Variants in CDH13 observed in about 807,000 individuals in gnomAD.
CDH13 encodes the protein cadherin-13.
A neutral mutation model predicts 63.8 loss-of-function variants in CDH13; 24 were observed. That is an observed-to-expected ratio of 0.38 (90% CI 0.27 to 0.53). The LOEUF (loss-of-function observed/expected upper bound fraction) is 0.53, where lower values mean the gene tolerates loss of function less well. Among genes scored for constraint, CDH13 ranks in the 20% least tolerant of loss-of-function variants. The pLI, the probability that CDH13 is intolerant of heterozygous loss-of-function variation, is 0.85. For missense variants in CDH13, 1,049 were observed against 903.1 expected (o/e 1.16, Z -2.07); for synonymous variants, 503 against 355.3 (o/e 1.42, Z -4.67).
intron 8 of CDH13, among the ~76,000 whole-genome samples, chr16:83,659,973 G>A (rs1598428582): frequency 6.6e-6 from 1 of 151,890 alleles, no homozygotes; most frequent in Admixed American, 6.6e-5. Flanking sequence ...TTTTTGTAGA[G>A]ACGGGATTTC....
intron 10 of CDH13, among the ~76,000 whole-genome samples, chr16:83,724,849 G>C (rs1910190408): frequency 6.6e-6 from 1 of 152,170 alleles, no homozygotes; most frequent in Non-Finnish European, 1.5e-5. Context: ...GCTCCCTTGA[G>C]ATGGCCTTTG....
intron 2 of CDH13, among the ~76,000 whole-genome samples, chr16:82,957,232 T>C (rs918891346): frequency 6.6e-6 from 1 of 152,214 alleles, no homozygotes; most frequent in Non-Finnish European, 1.5e-5. Context: ...CTGTTGACCA[T>C]ATGACTAAAT....
chr16:83,422,080 G>T (rs183164423), intron 6 of CDH13, among the ~76,000 whole-genome samples: 1 of 152,248 alleles, frequency 6.6e-6, no homozygotes, highest in East Asian at 1.9e-4. Context: ...CAATCATACA[G>T]AAAAGTTGGT....
intron 6 of CDH13, among the ~76,000 whole-genome samples, chr16:83,417,896 G>C (rs2071600501): frequency 6.6e-6 from 1 of 152,134 alleles, no homozygotes; most frequent in Non-Finnish European, 1.5e-5. Context: ...TGGAGAGAGA[G>C]AGAAAGAGAA....
chr16:83,488,395 A>G (rs1372496056), intron 7 of CDH13, among the ~76,000 whole-genome samples: 1 of 152,218 alleles, frequency 6.6e-6, no homozygotes, highest in Non-Finnish European at 1.5e-5. Context: ...AAGGAAAAAG[A>G]GTTGGAAATA....
intron 7 of CDH13, among the ~76,000 whole-genome samples, chr16:83,589,609 G>A (rs191576637): frequency 6.6e-6 from 1 of 151,974 alleles, no homozygotes; most frequent in Non-Finnish European, 1.5e-5. Flanking sequence ...GTGTGCCATA[G>A]AAGATACGAG....
chr16:83,433,024 G>A (rs1228112163), intron 6 of CDH13, among the ~76,000 whole-genome samples: 2 of 152,192 alleles, frequency 1.3e-5, no homozygotes, highest in Non-Finnish European at 2.9e-5. Context: ...CTACTGAACT[G>A]GGGTAGAACT....
intron 2 of CDH13, among the ~76,000 whole-genome samples, chr16:82,870,959 C>G (rs58804740): frequency 1.4e-3 from 217 of 152,300 alleles, no homozygotes; most frequent in African/African-American, 5.1e-3. Context: ...CTAGTTAACT[C>G]TGCCTGTCCC....
chr16:83,000,983 T>C (rs1912863543), intron 2 of CDH13, among the ~76,000 whole-genome samples: 1 of 152,220 alleles, frequency 6.6e-6, no homozygotes, highest in African/African-American at 2.4e-5. Flanking sequence ...AGCTACCCCT[T>C]CCAAACCTCA....
chr16:83,265,137 C>T (rs987825249), intron 5 of CDH13, among the ~76,000 whole-genome samples: 1 of 152,050 alleles, frequency 6.6e-6, no homozygotes, highest in Non-Finnish European at 1.5e-5. Flanking sequence ...TTTGTTTGTT[C>T]TTATTTTCTT....
intron 7 of CDH13, among the ~76,000 whole-genome samples, chr16:83,523,832 T>C (rs941491085): frequency 6.6e-6 from 1 of 152,204 alleles, no homozygotes; most frequent in Non-Finnish European, 1.5e-5. Context: ...AACACTTCAG[T>C]CCCTCGTTAT....
At chr16:83,535,072 T>A (rs2075157367) in intron 7 of CDH13, among the ~76,000 whole-genome samples, 1 of 152,214 alleles carries the variant, frequency 6.6e-6, no homozygotes, top group Non-Finnish European at 1.5e-5. Flanking sequence ...ATTATTAGGA[T>A]CAGGATATTG....
chr16:83,335,884 G>C (rs1197150067), intron 5 of CDH13, among the ~76,000 whole-genome samples: 1 of 152,086 alleles, frequency 6.6e-6, no homozygotes, highest in Non-Finnish European at 1.5e-5. Flanking sequence ...GGGGGGCTTG[G>C]CTCTTGAGAC....
At chr16:83,256,674 CAAAAAAA>C (rs59651612) in intron 5 of CDH13, among the ~76,000 whole-genome samples, 23 of 115,624 alleles carry the variant, frequency 2.0e-4, no homozygotes, top group South Asian at 3.0e-4. Context: ...TACTAAAATA[CAAAAAAA>C]AAAAAAAAAA....
chr16:83,237,700 A>G (rs1904276548), intron 5 of CDH13, among the ~76,000 whole-genome samples: 1 of 152,178 alleles, frequency 6.6e-6, no homozygotes, highest in Non-Finnish European at 1.5e-5. Context: ...CTCCCTTGCT[A>G]TGTAATTTGA....
At chr16:82,874,525 G>C (rs2040442466) in intron 2 of CDH13, among the ~76,000 whole-genome samples, 2 of 151,850 alleles carry the variant, frequency 1.3e-5, no homozygotes, top group African/African-American at 2.4e-5. Context: ...AGCGATCCAG[G>C]CTTCTCTTAA....
At chr16:82,701,921 A>C (rs967153106) in intron 1 of CDH13, among the ~76,000 whole-genome samples, 13 of 151,632 alleles carry the variant, frequency 8.6e-5, no homozygotes, top group African/African-American at 3.2e-4. Context: ...GACTTAGAAT[A>C]CAGGATGGGT....
intron 1 of CDH13, among the ~76,000 whole-genome samples, chr16:82,778,582 A>AC (rs147475676): frequency 0.042 from 6,299 of 150,992 alleles, 214 homozygotes; most frequent in Non-Finnish European, 0.068. Flanking sequence ...AAAAAAAAAA[A>AC]AAAAAAAAAA....
At chr16:82,747,818 C>T (rs16958474) in intron 1 of CDH13, among the ~76,000 whole-genome samples, 16,325 of 152,162 alleles carry the variant, frequency 0.11, 1,084 homozygotes, top group Middle Eastern at 0.22. Flanking sequence ...ATTAGTATTC[C>T]AGAGGCAAAA....
Sources: allele counts gnomAD v4.1 joint callset (sites outside exome capture counted in the v4.1 genomes callset), GRCh38; gene constraint gnomAD v4.1.1; transcripts MANE v1.5; gene names NCBI Gene and HGNC (gene_info 2026-07-23, HGNC 2026-07-21).